The following NEK5 variants were observed in gnomAD, a reference collection of about 807,000 sequenced individuals.
The protein encoded by NEK5 is serine/threonine-protein kinase Nek5.
Under a neutral mutation model 109.2 loss-of-function variants are expected in NEK5, and 88 were observed. That is an observed-to-expected ratio of 0.81 (90% confidence interval 0.68 to 0.96). The LOEUF is 0.96. Ranked by LOEUF, NEK5 falls within the 40% of genes least tolerant of loss-of-function variation. The pLI is 0.00. For missense variants in NEK5, 834 were observed against 920.7 expected, an observed-to-expected ratio of 0.91 and a Z score of 1.22; for synonymous variants, 283 against 299.9, an observed-to-expected ratio of 0.94 and a Z score of 0.58.
chr13:52,108,277 A>G (rs1227822650), intron 8 of NEK5, 41 bp downstream of exon 8: 1 of 1,122,590 alleles, frequency 8.9e-7, no homozygotes, highest in Non-Finnish European at 1.3e-6. Context: ...GTCATCCATC[A>G]GATTTTACTG....
intron 16 of NEK5, among the ~76,000 whole-genome samples, chr13:52,084,368 C>T (rs1366378611): frequency 6.6e-6 from 1 of 152,004 alleles, no homozygotes; most frequent in African/African-American, 2.4e-5. Context: ...CAAGCATTTG[C>T]CACCATGACC....
chr13:52,100,362 T>C (rs1955505546), intron 11 of NEK5, among the ~76,000 whole-genome samples: 1 of 152,156 alleles, frequency 6.6e-6, no homozygotes, highest in Non-Finnish European at 1.5e-5. Context: ...CCCGAGTTCA[T>C]GCGATTCTTG....
chr13:52,050,252 C>T, intron 22 of NEK5, 31 bp from the exon 23 acceptor site: 1 of 868,290 alleles, frequency 1.2e-6, no homozygotes, highest in Non-Finnish European at 1.4e-6. Flanking sequence ...GATATGAAAG[C>T]ATCCCAGCCT....
chr13:52,106,582 A>G (rs1715238789), intron 8 of NEK5, among the ~76,000 whole-genome samples: 3 of 152,078 alleles, frequency 2.0e-5, no homozygotes, highest in South Asian at 4.1e-4. Context: ...CCCGACCAAC[A>G]TGGTGAAACC....
chr13:52,087,478 A>G (rs1233389461), intron 14 of NEK5, 24 bp from the exon 15 acceptor site: 5 of 1,163,200 alleles, frequency 4.3e-6, no homozygotes, highest in Non-Finnish European at 6.3e-6. Context: ...GAAATAATTT[A>G]TAATGCATAC....
rs1312203678 is a variant in NEK5, at chr13:52,033,892, C to T, written c.*3056G>A. 6.6e-6 allele frequency: 1 copy of T among 152,212 alleles called. No homozygotes were observed. The highest frequency in any genetic ancestry group is 2.4e-5 in the African/African-American group (1 of 41,450). 9.4% of individuals were successfully genotyped at this position (152,212 alleles called of 1,614,324 possible). ...AGAAAAGTTAATTATATAACTACAACACGAAACACAAATTTTTAGAAGCAA... is the reference window on the plus strand; with the variant it reads ...AGAAAAGTTAATTATATAACTACAATACGAAACACAAATTTTTAGAAGCAA... On this transcript the variant is annotated 3_prime_UTR_variant, in exon 24 of 24. Transcript: ENST00000684899.
intron 4 of NEK5, among the ~76,000 whole-genome samples, chr13:52,118,106 G>C (rs375690801): frequency 6.6e-6 from 1 of 152,276 alleles, no homozygotes; most frequent in African/African-American, 2.4e-5. Flanking sequence ...GAAGTACCTT[G>C]AATGTAGCGG....
intron 3 of NEK5, among the ~76,000 whole-genome samples, chr13:52,124,661 T>C (rs982335953): frequency 6.6e-6 from 1 of 152,234 alleles, no homozygotes; most frequent in African/African-American, 2.4e-5. Context: ...ATATGGATTT[T>C]ATCTTTTTAT....
At chr13:52,067,598 A>C (rs540621392) in intron 20 of NEK5, among the ~76,000 whole-genome samples, 1 of 151,318 alleles carries the variant, frequency 6.6e-6, no homozygotes, top group East Asian at 2.0e-4. Flanking sequence ...TTGGACTGTG[A>C]GCCAAGCCTC....
At position 52,034,838 on chromosome 13, in the gene NEK5, C is replaced by T. The variant is rs1432230437; in HGVS notation, c.*2110G>A. On this transcript the variant is annotated 3_prime_UTR_variant, in exon 24 of 24. Coordinates refer to ENST00000684899, the MANE Select transcript of NEK5 (RefSeq NM_001365552.1). ...TTGGGATTACAGGCATGCGCCACCA[C>T]ACCTGGCGTGTTCATTTACCATCCT... 6.6e-6 allele frequency: 1 copy of T among 150,578 alleles called. No individual in the cohort carries two copies. Among genetic ancestry groups the T allele is most frequent in the Non-Finnish European group, 1.5e-5 (1 of 67,762 alleles). 9.3% of individuals were successfully genotyped at this position (150,578 alleles called of 1,614,324 possible). A position where few individuals can be genotyped will look rare whatever the true frequency, so the allele number is the denominator to read the frequency against.
At chr13:52,041,728 CAAAAAAAAA>C (rs60216367) in intron 23 of NEK5, among the ~76,000 whole-genome samples, 8 of 48,120 alleles carry the variant, frequency 1.7e-4, no homozygotes, top group Admixed American at 6.4e-4. Context: ...AACTCTGTCT[CAAAAAAAAA>C]AAAAAAAAAA....
At chr13:52,072,239 G>C (rs1271032624) in intron 19 of NEK5, among the ~76,000 whole-genome samples, 169 bp from the exon 20 acceptor site, 1 of 152,186 alleles carries the variant, frequency 6.6e-6, no homozygotes, top group Non-Finnish European at 1.5e-5. Flanking sequence ...AGCTATGTTA[G>C]ATAAAAACAG....
At chr13:52,094,914 T>C (rs1955371441) in intron 12 of NEK5, among the ~76,000 whole-genome samples, 1 of 152,200 alleles carries the variant, frequency 6.6e-6, no homozygotes. Context: ...TTTTAAAATA[T>C]TTTCTTTTCT....
intron 9 of NEK5, among the ~76,000 whole-genome samples, chr13:52,102,730 A>T (rs1474053272): frequency 2.6e-5 from 4 of 152,210 alleles, no homozygotes; most frequent in African/African-American, 9.6e-5. Flanking sequence ...GGTCCACCTT[A>T]AATTGTTTTC....
intron 17 of NEK5, among the ~76,000 whole-genome samples, chr13:52,080,891 A>AAAATT (rs1491068256): frequency 9.7e-5 from 3 of 31,060 alleles, no homozygotes; most frequent in Non-Finnish European, 5.2e-4. Flanking sequence ...TGATCAATTA[A>AAAATT]AAAAAAAAAA....
chr13:52,124,232 G>A (rs990982604), intron 3 of NEK5, among the ~76,000 whole-genome samples: 4 of 152,102 alleles, frequency 2.6e-5, no homozygotes, highest in Admixed American at 2.0e-4. Flanking sequence ...GTTACAGTGA[G>A]CCATGATGAT....
intron 23 of NEK5, among the ~76,000 whole-genome samples, chr13:52,045,290 C>T (rs1954447478): frequency 2.7e-5 from 4 of 150,482 alleles, no homozygotes; most frequent in Admixed American, 2.0e-4. Context: ...CCCCCACGCC[C>T]GGCTAATTTT....
chr13:52,104,114 C>A (rs778517744), intron 9 of NEK5, among the ~76,000 whole-genome samples: 9 of 152,114 alleles, frequency 5.9e-5, no homozygotes, highest in Non-Finnish European at 1.0e-4. Flanking sequence ...CACATGCCAC[C>A]ATGCCTGGCT....
At chr13:52,105,488 G>A (rs1955634849) in intron 8 of NEK5, among the ~76,000 whole-genome samples, 1 of 152,004 alleles carries the variant, frequency 6.6e-6, no homozygotes, top group Admixed American at 6.6e-5. Context: ...CAAAGTGCTG[G>A]GATTACAGGT....
Sources: gnomAD v4.1 joint callset for allele counts (sites outside exome capture counted in the v4.1 genomes callset) on GRCh38, gnomAD v4.1.1 for gene constraint, MANE v1.5 for transcripts, NCBI Gene and HGNC (gene_info 2026-07-23, HGNC 2026-07-21) for gene names.